The following TNS1 variants were observed in gnomAD, a reference collection of about 807,000 sequenced individuals.
The protein encoded by TNS1 is tensin 1, also known as tensin-1.
In TNS1, 62 loss-of-function variants were observed where a neutral mutation model predicts 168.6. The ratio of observed to expected loss-of-function variants is 0.37; its 90% CI spans 0.30 to 0.45. The LOEUF is 0.45. Among genes scored for constraint, TNS1 ranks in the 20% least tolerant of loss-of-function variants. The pLI, the probability that TNS1 is intolerant of heterozygous loss-of-function variation, is 1.00. For synonymous variants in TNS1, 934 were observed against 933.2 expected, an observed-to-expected ratio of 1.00 and a Z score of -0.02; for missense variants, 2,240 against 2,339.4, an observed-to-expected ratio of 0.96 and a Z score of 0.88.
chr2:217,938,719 C>T lies in TNS1; in HGVS notation c.187-18483G>A, dbSNP rs575932094. On this transcript the variant is annotated intron_variant, in intron 3 of 32. Transcript: ENST00000682258. Reference sequence around the variant, plus strand: ...CTCTCATCAAGGCATGGGATGGGATCCCAGAAGGGGAGCTCAGGCTGGTTT... The same window carrying T: ...CTCTCATCAAGGCATGGGATGGGATTCCAGAAGGGGAGCTCAGGCTGGTTT... 5.9e-5 allele frequency among the ~76,000 whole-genome samples: 9 copies of T among 152,288 alleles called. No homozygotes were observed. In the East Asian group the frequency reaches 1.7e-3, roughly 29 times the overall value.
intron 22 of TNS1, among the ~76,000 whole-genome samples, chr2:217,829,551 G>A (rs1158451273): frequency 6.6e-6 from 1 of 152,194 alleles, no homozygotes; most frequent in Non-Finnish European, 1.5e-5. Flanking sequence ...AATGGCGCTG[G>A]GAGAGGAAGG....
chr2:217,893,698 C>T, intron 9 of TNS1, 137 bp from the exon 10 acceptor site: 2 of 1,276,152 alleles, frequency 1.6e-6, no homozygotes, highest in East Asian at 4.7e-5. Context: ...TTGGTTCCTC[C>T]CTGCCCACTG....
intron 23 of TNS1, among the ~76,000 whole-genome samples, chr2:217,821,084 C>T (rs1388094685): frequency 6.6e-6 from 1 of 152,232 alleles, no homozygotes; most frequent in Non-Finnish European, 1.5e-5. Context: ...ATCCTCGCTG[C>T]ATCCCTAGCC....
At chr2:218,005,529 C>G (rs1408030974), upstream of TNS1, among the ~76,000 whole-genome samples, 1 of 152,238 alleles carries the variant, frequency 6.6e-6, no homozygotes, top group African/African-American at 2.4e-5. Context: ...ATGTTAAACT[C>G]TGCCGACTGA....
chr2:217,973,380 A>AG, intron 3 of TNS1, among the ~76,000 whole-genome samples: 1 of 151,814 alleles, frequency 6.6e-6, no homozygotes, highest in Admixed American at 6.6e-5. Context: ...AAAAAAAAAA[A>AG]AAAAAAAAAA....
intron 1 of TNS1, among the ~76,000 whole-genome samples, chr2:218,031,321 G>T (rs2106017963): frequency 1.4e-5 from 2 of 147,156 alleles, no homozygotes; most frequent in Non-Finnish European, 3.0e-5. Context: ...GAGTGTGGGT[G>T]TGTGAGCATG....
chr2:217,991,627 C>T (rs1958368169), intron 1 of TNS1, among the ~76,000 whole-genome samples: 1 of 152,116 alleles, frequency 6.6e-6, no homozygotes, highest in Admixed American at 6.5e-5. Flanking sequence ...TGGGTGGCTG[C>T]ATCCAACACA....
chr2:218,033,420 A>T lies in TNS1; in HGVS notation c.156+400T>A, dbSNP rs1300789862. ...GTGGGGCCCCCACCCTCCTAACTCC[A>T]GAGTCCTCCTAAATGAAGGGACACT... On this transcript the variant is annotated intron_variant, in intron 1 of 1. Coordinates refer to the TNS1 transcript ENST00000649572. The surrounding 1 kb of genome is among the most constrained non-coding windows in gnomAD (Gnocchi z 4.3). Among the ~76,000 whole-genome samples, 1 of 152,106 alleles carries T rather than the reference A, an allele frequency of 6.6e-6. No homozygotes were observed. Among genetic ancestry groups the T allele is most frequent in the African/African-American group, 2.4e-5 (1 of 41,410 alleles).
upstream of TNS1, among the ~76,000 whole-genome samples, chr2:218,004,281 A>T (rs1958629359): frequency 6.6e-6 from 1 of 152,226 alleles, no homozygotes; most frequent in South Asian, 2.1e-4. Context: ...TCACTTAGCA[A>T]GAAAAGTTCT....
At chr2:217,826,840 G>A (rs1427025583) in intron 22 of TNS1, among the ~76,000 whole-genome samples, 2 of 152,276 alleles carry the variant, frequency 1.3e-5, no homozygotes, top group South Asian at 2.1e-4. Flanking sequence ...GGTGACTTGG[G>A]CTCCTCCGGT....
intron 3 of TNS1, among the ~76,000 whole-genome samples, chr2:217,967,364 G>T (rs997688790): frequency 6.6e-6 from 1 of 151,864 alleles, no homozygotes; most frequent in African/African-American, 2.4e-5. Flanking sequence ...ATAAACAGTG[G>T]CTATAAGCAA....
chr2:217,894,382 C>G (rs777991015), intron 9 of TNS1, among the ~76,000 whole-genome samples: 1 of 152,202 alleles, frequency 6.6e-6, no homozygotes, highest in Non-Finnish European at 1.5e-5. Context: ...CAGGTCCAGA[C>G]GCGCTGGCCC....
intron 24 of TNS1, among the ~76,000 whole-genome samples, chr2:217,816,585 C>CT (rs944178689): frequency 3.7e-4 from 56 of 152,314 alleles, no homozygotes; most frequent in African/African-American, 1.3e-3. Context: ...GGCCCCACTG[C>CT]TGCCGTGGCC....
intron 12 of TNS1, among the ~76,000 whole-genome samples, chr2:217,887,705 G>A (rs1382912533): frequency 6.6e-6 from 1 of 152,196 alleles, no homozygotes; most frequent in Non-Finnish European, 1.5e-5. Context: ...AGGTCCAGGA[G>A]GGGTCACTGG....
At chr2:218,002,330 G>A (rs1336341862) in intron 1 of TNS1, among the ~76,000 whole-genome samples, 1 of 152,100 alleles carries the variant, frequency 6.6e-6, no homozygotes, top group East Asian at 1.9e-4. Context: ...GCTGAAACTG[G>A]GTGTAGAAGG....
chr2:218,032,728 G>T lies in TNS1; in HGVS notation c.156+1092C>A, dbSNP rs912945226. ...CTAAACCCCTGAAGGGGGGAGCCCC[G>T]AGCAGCAGCAACCCTCACTGGAGCC... is the stretch of plus-strand genomic sequence containing the variant. On this transcript the variant is annotated intron_variant, in intron 1 of 1. Coordinates refer to the TNS1 transcript ENST00000649572. The surrounding 1 kb of genome is among the most constrained non-coding windows in gnomAD (Gnocchi z 4.0). Among the ~76,000 whole-genome samples, 5 of 152,146 alleles carry T rather than the reference G, an allele frequency of 3.3e-5. No homozygotes were observed. Among genetic ancestry groups the T allele is most frequent in the Non-Finnish European group, 5.9e-5 (4 of 68,016 alleles).
intron 3 of TNS1, among the ~76,000 whole-genome samples, chr2:217,975,382 A>G (rs953907126): frequency 6.6e-6 from 1 of 152,126 alleles, no homozygotes; most frequent in African/African-American, 2.4e-5. Flanking sequence ...AAGCTACTAA[A>G]TCTGGGGGCC....
At chr2:217,889,729 T>G (rs1046152933) in intron 12 of TNS1, among the ~76,000 whole-genome samples, 8 of 152,244 alleles carry the variant, frequency 5.3e-5, no homozygotes, top group Non-Finnish European at 8.8e-5. Context: ...CTGAGCTCCA[T>G]AAGCCCTTGC....
At chr2:217,928,334 C>G (rs1283808553) in intron 3 of TNS1, among the ~76,000 whole-genome samples, 1 of 152,236 alleles carries the variant, frequency 6.6e-6, no homozygotes, top group Non-Finnish European at 1.5e-5. Flanking sequence ...CTGCCCCGGC[C>G]CATTTCCTCC....
Sources: gnomAD v4.1 joint callset for allele counts (sites outside exome capture counted in the v4.1 genomes callset) on GRCh38, gnomAD v4.1.1 for gene constraint, Gnocchi (gnomAD v3.1) non-coding constraint, MANE v1.5 for transcripts, NCBI Gene and HGNC (gene_info 2026-07-23, HGNC 2026-07-21) for gene names.